KPNB1: variants seen among roughly 807,000 people sequenced by gnomAD.
KPNB1 encodes importin subunit beta-1.
In KPNB1, 7 loss-of-function variants were observed where a neutral mutation model predicts 113.0. The observed-to-expected ratio is 0.06, with a 90% CI of 0.04 to 0.12. The LOEUF is 0.12. KPNB1 is among the 10% of genes least tolerant of loss of function. KPNB1 has a pLI of 1.00. For missense variants in KPNB1, 400 were observed against 1,054.8 expected (o/e 0.38, Z 8.60); for synonymous variants, 363 against 378.6 (o/e 0.96, Z 0.48).
Position 47,683,509 on chromosome 17 carries a change from T to C in KPNB1, c.*1105T>C, listed in dbSNP as rs758120225. The C allele has an allele frequency of 2.6e-5, 4 of 152,522 alleles. No individual in the cohort carries two copies. Among genetic ancestry groups the C allele is most frequent in the Non-Finnish European group, 4.4e-5 (3 of 68,016 alleles). The allele number at this position is 152,522 out of a possible 1,614,324, so 9.4% of individuals were successfully genotyped here. On this transcript the variant is annotated 3_prime_UTR_variant, in exon 22 of 22. Transcript: ENST00000290158. ...CCCCAGAAAATTGTGCCAAAGAGTT[T>C]AGAAAAATAAATATACAATAAAAGT...
intron 5 of KPNB1, among the ~76,000 whole-genome samples, 163 bp from the exon 6 acceptor site, chr17:47,660,956 A>G (rs1386818442): frequency 6.6e-6 from 1 of 152,234 alleles, no homozygotes; most frequent in Non-Finnish European, 1.5e-5. Flanking sequence ...TATAGCCTTT[A>G]TAGTGCTGTA....
chr17:47,679,610 A>G (rs1243863357), intron 19 of KPNB1, among the ~76,000 whole-genome samples: 2 of 152,190 alleles, frequency 1.3e-5, no homozygotes, highest in Non-Finnish European at 2.9e-5. Flanking sequence ...TGGACCTTGT[A>G]TGATAGGGGT....
chr17:47,650,127 G>GCCCCCCCCCCCCCC lies in KPNB1; in HGVS notation c.-112_-111insCCCCCCCCCCCCCC. The GCCCCCCCCCCCCCC allele has an allele frequency of 1.5e-6, 1 of 686,060 alleles. No individual in the cohort carries two copies. The highest frequency in any genetic ancestry group is 1.7e-6 in the Non-Finnish European group (1 of 580,152). 42.5% of individuals were successfully genotyped at this position (686,060 alleles called of 1,614,324 possible). On this transcript the variant is annotated 5_prime_UTR_variant, in exon 1 of 22. Coordinates refer to ENST00000290158, the MANE Select transcript of KPNB1 (RefSeq NM_002265.6). The stretch of plus-strand genomic sequence containing the variant: ...GGTGAATGGGTTTGTGGTGACCCCC[G>GCCCCCCCCCCCCCC]CCCCCCACCCCACCCTCCCTTCCCA...
rs1567894391 is a variant in KPNB1 at position 47,675,388 on chromosome 17, TG to T, written c.1912+607del. ...TTTTTTTTTGTTTTTTTTTTTTGTT[TG>T]TTTTTTTTTTGAGACTTGTTCTGTT... On this transcript the variant is annotated intron_variant, in intron 15 of 21. Transcript: ENST00000290158. 2.2e-3 allele frequency among the ~76,000 whole-genome samples: 229 copies of T among 105,802 alleles called. 22 individuals are homozygous for T. The highest frequency in any genetic ancestry group is 6.2e-3 in the African/African-American group (140 of 22,564). The allele number at this position is 105,802 out of a possible 152,430, so 69.4% of individuals were successfully genotyped here.
chr17:47,650,674 T>G (rs1176033996), intron 2 of KPNB1, among the ~76,000 whole-genome samples: 3 of 151,494 alleles, frequency 2.0e-5, no homozygotes, highest in Admixed American at 6.6e-5. Flanking sequence ...CGCGCCGAGC[T>G]GCCTGCCGCC....
At chr17:47,667,178 T>G (rs2030313514) in intron 9 of KPNB1, among the ~76,000 whole-genome samples, 1 of 151,970 alleles carries the variant, frequency 6.6e-6, no homozygotes, top group Non-Finnish European at 1.5e-5. Flanking sequence ...CAGGCTGGAG[T>G]GCAGTGGGGC....
In KPNB1 at chr17:47,677,142, A is replaced by G. The variant is rs1302991260; in HGVS notation, c.2103+15A>G. 2 of 1,519,382 alleles carry G rather than the reference A, an allele frequency of 1.3e-6. No individual in the cohort carries two copies. The highest frequency in any genetic ancestry group is 1.4e-5 in the African/African-American group (1 of 72,888). 94.1% of individuals were successfully genotyped at this position (1,519,382 alleles called of 1,614,324 possible). A position where few individuals can be genotyped will look rare whatever the true frequency, so the allele number is the denominator to read the frequency against. ...AAAATTTGGGGGTGAGTATCTACAC[A>G]CAATCTAATTAACCAGTCTTCTTTG... On this transcript the variant is annotated intron_variant, in intron 17 of 21. Coordinates refer to ENST00000290158, the MANE Select transcript of KPNB1 (RefSeq NM_002265.6).
intron 9 of KPNB1, among the ~76,000 whole-genome samples, chr17:47,666,535 T>C (rs913488661): frequency 1.9e-5 from 2 of 102,580 alleles, no homozygotes; most frequent in African/African-American, 3.3e-5. Flanking sequence ...TATTATGTTA[T>C]ATATTATATA....
At chr17:47,660,056 T>A (rs141705258) in intron 5 of KPNB1, among the ~76,000 whole-genome samples, 35 of 152,298 alleles carry the variant, frequency 2.3e-4, no homozygotes, top group African/African-American at 8.4e-4. Flanking sequence ...GTGGAAACAA[T>A]CTCCAGAACT....
intron 9 of KPNB1, 102 bp downstream of exon 9, chr17:47,665,260 T>G (rs754058671): frequency 8.4e-5 from 72 of 852,400 alleles, no homozygotes; most frequent in Non-Finnish European, 1.3e-4. Context: ...ATCAACTATT[T>G]GATGTTCTGT....
At chr17:47,659,686 A>G (rs2030030658) in intron 5 of KPNB1, among the ~76,000 whole-genome samples, 2 of 152,226 alleles carry the variant, frequency 1.3e-5, no homozygotes, top group African/African-American at 4.8e-5. Context: ...ATGAAAAATG[A>G]AATAAATAAA....
chr17:47,668,163 C>T (rs751604041), intron 9 of KPNB1, 23 bp from the exon 10 acceptor site: 97 of 1,592,898 alleles, frequency 6.1e-5, no homozygotes, highest in Middle Eastern at 1.8e-4. Flanking sequence ...AAAATCTTAA[C>T]TAGTGCCATA....
Position 47,684,116 on chromosome 17 carries a change from A to G in KPNB1, c.*1712A>G, listed in dbSNP as rs2030875543. 2 of 152,216 alleles carry G rather than the reference A, an allele frequency of 1.3e-5. No individual in the cohort carries two copies. Among genetic ancestry groups the G allele is most frequent in the South Asian group, 4.1e-4 (2 of 4,834 alleles). 9.4% of individuals were successfully genotyped at this position (152,216 alleles called of 1,614,324 possible). ...CCTGGTCCTTAGAGGACTAAAAACAAGACCCTCATTCCCACTTTCATTTCC... is the reference window on the plus strand; with the variant it reads ...CCTGGTCCTTAGAGGACTAAAAACAGGACCCTCATTCCCACTTTCATTTCC... On this transcript the variant is annotated 3_prime_UTR_variant, in exon 22 of 22. Transcript: ENST00000290158.
chr17:47,658,763 C>T, intron 5 of KPNB1, 103 bp downstream of exon 5: 1 of 943,330 alleles, frequency 1.1e-6, no homozygotes, highest in Non-Finnish European at 1.6e-6. Context: ...TTAGAAAGTA[C>T]CACCTACTTA....
intron 8 of KPNB1, 68 bp downstream of exon 8, chr17:47,664,337 C>CTAT: frequency 9.8e-7 from 1 of 1,024,824 alleles, no homozygotes; most frequent in Non-Finnish European, 1.5e-6. Flanking sequence ...TGATGTTCCC[C>CTAT]TTCTAGGAGA....
chr17:47,658,468 G>A (rs762970192), intron 4 of KPNB1, 40 bp from the exon 5 acceptor site: 1 of 1,594,270 alleles, frequency 6.3e-7, no homozygotes, highest in Non-Finnish European at 8.5e-7. Flanking sequence ...GGCTGCAGAG[G>A]GCTGACTGTA....
At position 47,671,008 on chromosome 17, in the gene KPNB1, C is replaced by A. The variant is rs541316153; in HGVS notation, c.1547+176C>A. Among the ~76,000 whole-genome samples the A allele has an allele frequency of 4.6e-5, 7 of 152,358 alleles. No individual in the cohort carries two copies. The East Asian group carries it at 1.3e-3, about 29-fold the overall frequency. On this transcript the variant is annotated intron_variant, in intron 12 of 21. Coordinates refer to ENST00000290158, the MANE Select transcript of KPNB1 (RefSeq NM_002265.6). ...CGGTGGCTCACGCCTATATTCCCAG[C>A]ACTTTGGGAGGCCAAGGCGGCTGGA...
intron 21 of KPNB1, 150 bp from the exon 22 acceptor site, chr17:47,682,254 C>A: frequency 1.4e-6 from 1 of 704,242 alleles, no homozygotes; most frequent in Non-Finnish European, 2.6e-6. Flanking sequence ...AGGTCAATGG[C>A]ACATAGGACA....
At chr17:47,653,314 C>T (rs1411081621) in intron 3 of KPNB1, among the ~76,000 whole-genome samples, 1 of 122,060 alleles carries the variant, frequency 8.2e-6, no homozygotes, top group Admixed American at 1.0e-4. Context: ...TGCTCTGTTG[C>T]CCAGGCTGGA....
Sources: gnomAD v4.1 joint callset for allele counts (sites outside exome capture counted in the v4.1 genomes callset) on GRCh38, gnomAD v4.1.1 for gene constraint, MANE v1.5 for transcripts, NCBI Gene and HGNC (gene_info 2026-07-23, HGNC 2026-07-21) for gene names.